SYN3: variants seen among roughly 807,000 people sequenced by gnomAD.
SYN3 encodes synapsin III.
In SYN3, 35 loss-of-function variants were observed where a neutral mutation model predicts 65.8. The observed-to-expected ratio is 0.53, with a 90% confidence interval of 0.41 to 0.70. SYN3 has a LOEUF of 0.70. SYN3 is among the 30% of genes least tolerant of loss of function. The pLI is 0.00. For missense variants in SYN3, 680 were observed against 749.0 expected (o/e 0.91, Z 1.08); for synonymous variants, 270 against 292.9 (o/e 0.92, Z 0.80).
chr22:32,948,425 T>C (rs1196986862), intron 3 of SYN3, among the ~76,000 whole-genome samples: 2 of 152,144 alleles, frequency 1.3e-5, no homozygotes, highest in Non-Finnish European at 2.9e-5. Context: ...CTAGATATAA[T>C]TGGAATCATC....
intron 6 of SYN3, among the ~76,000 whole-genome samples, chr22:32,799,924 C>T (rs7290885): frequency 0.01 from 1,536 of 152,184 alleles, 30 homozygotes; most frequent in African/African-American, 0.034. Flanking sequence ...GAAAACAGTG[C>T]TAGAAAAACA....
At chr22:33,049,817 C>T (rs1422620803) in intron 1 of SYN3, among the ~76,000 whole-genome samples, 1 of 152,136 alleles carries the variant, frequency 6.6e-6, no homozygotes, top group Non-Finnish European at 1.5e-5. Context: ...TAGAAGACCC[C>T]AGGAAACACA....
intron 6 of SYN3, among the ~76,000 whole-genome samples, chr22:32,852,415 C>T (rs1312127534): frequency 6.6e-6 from 1 of 152,084 alleles, no homozygotes; most frequent in Non-Finnish European, 1.5e-5. Context: ...TTGTAATATC[C>T]TGCAAAGGGT....
At chr22:32,939,314 G>C (rs917583723) in intron 3 of SYN3, among the ~76,000 whole-genome samples, 1 of 152,014 alleles carries the variant, frequency 6.6e-6, no homozygotes, top group Non-Finnish European at 1.5e-5. Context: ...ACTATTTGAA[G>C]GTAAATGATG....
Position 32,513,922 on chromosome 22 carries a change from A to G in SYN3, c.1611-98T>C, listed in dbSNP as rs560558484. 61 of 1,497,362 alleles carry G rather than the reference A, an allele frequency of 4.1e-5. No homozygotes were observed. The East Asian group carries it at 1.3e-3, about 32-fold the overall frequency. The allele number at this position is 1,497,362 out of a possible 1,614,324, so 92.8% of individuals were successfully genotyped here. ...CCTGTAAGCCAGATGGGCTACCCCAATCATCATAAGGTTATGAAGACCAGA... is the reference window on the plus strand; with the variant it reads ...CCTGTAAGCCAGATGGGCTACCCCAGTCATCATAAGGTTATGAAGACCAGA... On this transcript the variant is annotated intron_variant, in intron 13 of 13. Transcript: ENST00000358763.
At chr22:33,000,217 C>T (rs921883501) in intron 2 of SYN3, among the ~76,000 whole-genome samples, 7 of 152,068 alleles carry the variant, frequency 4.6e-5, no homozygotes, top group African/African-American at 1.7e-4. Context: ...AACAAACAAA[C>T]TGCTGATTGT....
chr22:32,792,176 G>A (rs1037203137), intron 6 of SYN3, among the ~76,000 whole-genome samples: 1 of 152,150 alleles, frequency 6.6e-6, no homozygotes, highest in Non-Finnish European at 1.5e-5. Flanking sequence ...CTTTTAGCAC[G>A]AGACAGCTGA....
intron 6 of SYN3, among the ~76,000 whole-genome samples, chr22:32,621,541 G>C (rs58410126): frequency 0.079 from 11,978 of 152,200 alleles, 633 homozygotes; most frequent in East Asian, 0.2. Context: ...GTGGGTGCTG[G>C]TCTGCACAGG....
At chr22:32,913,123 G>T (rs2050095710) in intron 4 of SYN3, among the ~76,000 whole-genome samples, 1 of 151,902 alleles carries the variant, frequency 6.6e-6, no homozygotes, top group African/African-American at 2.4e-5. Flanking sequence ...GTACAATTTT[G>T]CCATGAACTG....
intron 4 of SYN3, among the ~76,000 whole-genome samples, chr22:32,871,531 A>C (rs527933056): frequency 6.6e-6 from 1 of 152,318 alleles, no homozygotes; most frequent in African/African-American, 2.4e-5. Flanking sequence ...TTCTGACAAG[A>C]GATCCCTAGT....
At chr22:32,549,434 A>G (rs1481301684) in intron 7 of SYN3, among the ~76,000 whole-genome samples, 3 of 151,970 alleles carry the variant, frequency 2.0e-5, no homozygotes, top group Admixed American at 6.5e-5. Context: ...TTTATTTTTT[A>G]TAGTGACAGG....
intron 7 of SYN3, among the ~76,000 whole-genome samples, chr22:32,577,888 C>T (rs547638400): frequency 4.0e-4 from 61 of 152,334 alleles, no homozygotes; most frequent in African/African-American, 1.4e-3. Context: ...TGATCACATT[C>T]GTCACACTCT....
intron 6 of SYN3, among the ~76,000 whole-genome samples, chr22:32,753,196 GGGTCAAAGGGTCAGGTTGTATGAAA>G (rs1416404680): frequency 4.6e-5 from 7 of 152,258 alleles, no homozygotes; most frequent in Non-Finnish European, 8.8e-5. Flanking sequence ...GAGCCTGCTG[GGGTCAAAGGGTCAGGTTGTATGAAA>G]GGTCAAAGGT....
At chr22:33,029,963 G>A (rs923199460) in intron 1 of SYN3, among the ~76,000 whole-genome samples, 3 of 152,074 alleles carry the variant, frequency 2.0e-5, no homozygotes, top group Non-Finnish European at 4.4e-5. Context: ...CCTTCCCTAC[G>A]TTTTCCTACT....
At chr22:32,688,441 G>A (rs1164110299) in intron 6 of SYN3, among the ~76,000 whole-genome samples, 1 of 152,140 alleles carries the variant, frequency 6.6e-6, no homozygotes, top group African/African-American at 2.4e-5. Context: ...TTAATATCTG[G>A]GGGAAAGAGA....
chr22:32,780,934 T>TTCCCTTCCTTCCTTCC, intron 6 of SYN3, among the ~76,000 whole-genome samples: 1 of 82,620 alleles, frequency 1.2e-5, no homozygotes, highest in Non-Finnish European at 2.3e-5. Flanking sequence ...CCTTCCTTCC[T>TTCCCTTCCTTCCTTCC]TTCCTTCCTT....
At chr22:32,661,506 A>C (rs2147005134) in intron 6 of SYN3, among the ~76,000 whole-genome samples, 1 of 152,236 alleles carries the variant, frequency 6.6e-6, no homozygotes, top group South Asian at 2.1e-4. Context: ...TTTCTTACTT[A>C]CTTTCTTTTT....
intron 6 of SYN3, among the ~76,000 whole-genome samples, chr22:32,637,635 T>C (rs1056163783): frequency 2.3e-4 from 19 of 83,608 alleles, no homozygotes; most frequent in Admixed American, 1.1e-3. Context: ...TTTTTCTTTT[T>C]TTTTTTTTTT....
intron 7 of SYN3, among the ~76,000 whole-genome samples, chr22:32,583,690 T>C (rs754599558): frequency 3.9e-5 from 6 of 152,362 alleles, no homozygotes; most frequent in Non-Finnish European, 7.3e-5. Context: ...TCCTGGGTCC[T>C]GTGCAGAAAT....
Sources: gnomAD v4.1 joint callset for allele counts (sites outside exome capture counted in the v4.1 genomes callset) on GRCh38, gnomAD v4.1.1 for gene constraint, MANE v1.5 for transcripts, NCBI Gene and HGNC (gene_info 2026-07-23, HGNC 2026-07-21) for gene names.